The following PTPRG variants were observed in gnomAD, a reference collection of about 807,000 sequenced individuals.
PTPRG encodes the protein protein tyrosine phosphatase receptor type G.
Under a neutral mutation model 165.3 loss-of-function variants are expected in PTPRG, and 102 were observed. The ratio of observed to expected loss-of-function variants is 0.62; its 90% CI spans 0.53 to 0.73. The LOEUF is 0.73. PTPRG is among the 30% of genes least tolerant of loss of function. The probability of loss-of-function intolerance (pLI) is 0.00; values close to 1 mark genes in which losing one functional copy is unlikely to be tolerated. For synonymous variants in PTPRG, 675 were observed against 669.5 expected (o/e 1.01, Z -0.13); for missense variants, 1,866 against 1,861.4 (o/e 1.00, Z -0.05).
chr3:61,878,227 G>C (rs2037796211), intron 2 of PTPRG, among the ~76,000 whole-genome samples: 1 of 152,114 alleles, frequency 6.6e-6, no homozygotes, highest in African/African-American at 2.4e-5. Flanking sequence ...CCGAAGTCTT[G>C]ACAAGCGTTC....
intron 1 of PTPRG, among the ~76,000 whole-genome samples, chr3:61,588,501 A>AGTGAT (rs1700491851): frequency 1.4e-5 from 2 of 147,264 alleles, no homozygotes; most frequent in African/African-American, 5.4e-5. Flanking sequence ...CCTCTGGAGC[A>AGTGAT]GTGATGTGAT....
Position 62,130,938 on chromosome 3 carries a change from A to ATTT in PTPRG, c.616-1654_616-1652dup, listed in dbSNP as rs56082401. On this transcript the variant is annotated intron_variant, in intron 5 of 29. Transcript: ENST00000474889. ...TGATACACTGGGTTCCTATTCACTG[A>ATTT]TTTTTTTTTTTTATCTGTAATGTTT... Among the ~76,000 whole-genome samples, 570 of 148,090 alleles carry ATTT rather than the reference A, an allele frequency of 3.8e-3. 2 individuals carry two copies. The highest frequency in any genetic ancestry group is 6.8e-3 in the Non-Finnish European group (454 of 66,720).
rs114784570 is a variant in PTPRG, at chr3:61,574,426, C to T, written c.85+12054C>T. Among the ~76,000 whole-genome samples, 650 of 152,280 alleles carry T rather than the reference C, an allele frequency of 4.3e-3. 4 individuals are homozygous for T. The highest frequency in any genetic ancestry group is 0.015 in the African/African-American group (631 of 41,544). ...AAGTTTTCTAGAACACATTGCTAGT[C>T]AATGCCTGCCCTGTTTTATCCCTCT... On this transcript the variant is annotated intron_variant, in intron 1 of 29. Coordinates refer to ENST00000474889, the MANE Select transcript of PTPRG (RefSeq NM_002841.4).
intron 2 of PTPRG, among the ~76,000 whole-genome samples, chr3:61,928,394 A>G (rs1321651110): frequency 6.6e-6 from 1 of 152,200 alleles, no homozygotes; most frequent in African/African-American, 2.4e-5. Context: ...ACATTTTCCA[A>G]ACCAGACTTA....
At chr3:61,697,042 T>G (rs1266992925) in intron 1 of PTPRG, among the ~76,000 whole-genome samples, 1 of 152,146 alleles carries the variant, frequency 6.6e-6, no homozygotes, top group African/African-American at 2.4e-5. Flanking sequence ...CACCTTGGAA[T>G]TTGAGAAAAC....
At chr3:61,790,366 C>G (rs1055170899) in intron 2 of PTPRG, among the ~76,000 whole-genome samples, 2 of 152,144 alleles carry the variant, frequency 1.3e-5, no homozygotes, top group African/African-American at 2.4e-5. Context: ...CTATCTTGGG[C>G]ATCTATTTAT....
intron 4 of PTPRG, among the ~76,000 whole-genome samples, chr3:62,061,739 C>G (rs1242669687): frequency 6.6e-6 from 1 of 151,526 alleles, no homozygotes; most frequent in Non-Finnish European, 1.5e-5. Context: ...AGCGATTCTC[C>G]TGCCTCAGCC....
chr3:62,013,627 C>T (rs985146706), intron 4 of PTPRG, among the ~76,000 whole-genome samples: 1 of 152,114 alleles, frequency 6.6e-6, no homozygotes, highest in Non-Finnish European at 1.5e-5. Context: ...TAATATGTTT[C>T]ACTATAATCA....
chr3:62,027,419 C>A (rs922125117), intron 4 of PTPRG, among the ~76,000 whole-genome samples: 2 of 152,070 alleles, frequency 1.3e-5, no homozygotes, highest in Non-Finnish European at 2.9e-5. Context: ...TCCTGCCACC[C>A]CACCATCCCC....
chr3:62,026,879 T>TAAAAAAAAAAAAAAAAAAAAAAAAAAAAA (rs200417191), intron 4 of PTPRG, among the ~76,000 whole-genome samples: 1 of 94,678 alleles, frequency 1.1e-5, no homozygotes, highest in Non-Finnish European at 2.0e-5. Flanking sequence ...GAGTGAGAAT[T>TAAAAAAAAAAAAAAAAAAAAAAAAAAAAA]AAAAAAAAAA....
chr3:61,573,883 G>A (rs941511704), intron 1 of PTPRG, among the ~76,000 whole-genome samples: 4 of 152,178 alleles, frequency 2.6e-5, no homozygotes, highest in African/African-American at 9.7e-5. Flanking sequence ...GGTGGTTGAA[G>A]TTTATCTTTA....
Position 62,213,994 on chromosome 3 carries a change from C to G in PTPRG, c.2156-4857C>G, listed in dbSNP as rs927613467. Among the ~76,000 whole-genome samples the G allele has an allele frequency of 1.3e-5, 2 of 151,902 alleles. No homozygotes were observed. The highest frequency in any genetic ancestry group is 2.9e-5 in the Non-Finnish European group (2 of 67,988). ...GGAGGATCCCTTGAGCCCAGAAGTT[C>G]GAGACCAGCCTGGGCAACATATCAA... is the stretch of plus-strand genomic sequence containing the variant. On this transcript the variant is annotated intron_variant, in intron 12 of 29. Transcript: ENST00000474889. This position sits in a 1 kb window ranked among gnomAD's most constrained non-coding sequence, Gnocchi z 4.4.
At chr3:62,290,147 T>C (rs1456029244) in intron 28 of PTPRG, among the ~76,000 whole-genome samples, 1 of 151,730 alleles carries the variant, frequency 6.6e-6, no homozygotes, top group Non-Finnish European at 1.5e-5. Flanking sequence ...TACCTAAAAA[T>C]TTACCAAAAA....
intron 1 of PTPRG, among the ~76,000 whole-genome samples, chr3:61,648,518 C>G (rs1041793622): frequency 1.1e-4 from 17 of 152,194 alleles, no homozygotes; most frequent in African/African-American, 4.1e-4. Flanking sequence ...CTTGAAATAC[C>G]TCAGTTCCTC....
intron 4 of PTPRG, among the ~76,000 whole-genome samples, chr3:62,076,223 G>A (rs570291125): frequency 4.9e-4 from 75 of 152,118 alleles, no homozygotes; most frequent in South Asian, 1.2e-3. Context: ...GGAGGTCAAG[G>A]CCGCAGTGAG....
In PTPRG at chr3:61,615,422, C is replaced by T. The variant is rs557372145; in HGVS notation, c.85+53050C>T. 3.9e-5 allele frequency among the ~76,000 whole-genome samples: 6 copies of T among 152,328 alleles called. No homozygotes were observed. The South Asian group carries it at 1.0e-3, about 26-fold the overall frequency. Reference sequence around the variant, plus strand: ...TCCTCGTGATTACGTTCAGGTTATGCGTTGGGACAGAAACACCAGCGGAGT... The same window carrying T: ...TCCTCGTGATTACGTTCAGGTTATGTGTTGGGACAGAAACACCAGCGGAGT... On this transcript the variant is annotated intron_variant, in intron 1 of 29. Transcript: ENST00000474889.
At chr3:62,062,051 G>C (rs1418525415) in intron 4 of PTPRG, among the ~76,000 whole-genome samples, 2 of 151,688 alleles carry the variant, frequency 1.3e-5, no homozygotes, top group Non-Finnish European at 2.9e-5. Flanking sequence ...TGTAATCCCA[G>C]CACTTTGGGA....
At chr3:61,639,579 A>AC (rs541635739) in intron 1 of PTPRG, among the ~76,000 whole-genome samples, 8 of 151,734 alleles carry the variant, frequency 5.3e-5, no homozygotes, top group South Asian at 2.1e-4. Context: ...GTCATTTGTG[A>AC]TTTTTTTCAG....
chr3:61,995,464 C>T (rs1319296674), intron 3 of PTPRG, among the ~76,000 whole-genome samples: 1 of 152,058 alleles, frequency 6.6e-6, no homozygotes, highest in East Asian at 1.9e-4. Context: ...TGTGCCTAGC[C>T]CTCATGCAAG....
Sources: gnomAD v4.1 joint callset for allele counts (sites outside exome capture counted in the v4.1 genomes callset) on GRCh38, gnomAD v4.1.1 for gene constraint, Gnocchi (gnomAD v3.1) non-coding constraint, MANE v1.5 for transcripts, NCBI Gene and HGNC (gene_info 2026-07-23, HGNC 2026-07-21) for gene names.